SETD5: variants seen among roughly 807,000 people sequenced by gnomAD.
SETD5 encodes histone-lysine N-methyltransferase SETD5.
In SETD5, 44 loss-of-function variants were observed where a neutral mutation model predicts 153.3. That is an observed-to-expected ratio of 0.29 (90% CI 0.23 to 0.37). The LOEUF (loss-of-function observed/expected upper bound fraction) is 0.37. Among genes scored for constraint, SETD5 ranks in the 10% least tolerant of loss-of-function variants. The probability of loss-of-function intolerance (pLI) is 1.00; values close to 1 mark genes in which losing one functional copy is unlikely to be tolerated. For synonymous variants in SETD5, 716 were observed against 645.2 expected, an observed-to-expected ratio of 1.11 and a Z score of -1.66; for missense variants, 1,544 against 1,768.0, an observed-to-expected ratio of 0.87 and a Z score of 2.27.
chr3:9,415,328 A>G (rs2037247979), intron 1 of SETD5, among the ~76,000 whole-genome samples: 1 of 152,166 alleles, frequency 6.6e-6, no homozygotes, highest in Non-Finnish European at 1.5e-5. Flanking sequence ...TTTTCATATT[A>G]AGATTTCCAG....
intron 17 of SETD5, among the ~76,000 whole-genome samples, chr3:9,459,190 C>G (rs1001182576): frequency 6.6e-6 from 1 of 152,076 alleles, no homozygotes; most frequent in African/African-American, 2.4e-5. Flanking sequence ...ATTTGTTCAG[C>G]AGCTTCAGAA....
rs1167931292 is a variant in SETD5, at chr3:9,476,185, CG to C, written c.*100del. On this transcript the variant is annotated 3_prime_UTR_variant, in exon 23 of 23. Coordinates refer to ENST00000402198, the MANE Select transcript of SETD5 (RefSeq NM_001080517.3). Reference sequence around the variant, plus strand: ...CTAGGCCGAGCATATTGCTGAGGAACGGGGGGTACAAGGTGCCAGAGGATTG... The same window carrying C: ...CTAGGCCGAGCATATTGCTGAGGAACGGGGGTACAAGGTGCCAGAGGATTG... 3 of 1,466,976 alleles carry C rather than the reference CG, an allele frequency of 2.0e-6. No homozygotes were observed. The highest frequency in any genetic ancestry group is 2.4e-5 in the Admixed American group (1 of 42,098). The allele number at this position is 1,466,976 out of a possible 1,614,324, so 90.9% of individuals were successfully genotyped here. A position where few individuals can be genotyped will look rare whatever the true frequency, so the allele number is the denominator to read the frequency against.
intron 3 of SETD5, chr3:9,431,221 A>C: frequency 9.1e-6 from 9 of 985,396 alleles, no homozygotes; most frequent in Non-Finnish European, 1.1e-5. Flanking sequence ...GATTTTTCTG[A>C]ATTTCCAACT....
In SETD5 at chr3:9,473,320, A is replaced by G. The variant is rs1413177000; in HGVS notation, c.3280A>G (p.Ser1094Gly). 2 of 1,614,020 alleles carry G rather than the reference A, an allele frequency of 1.2e-6. No individual in the cohort carries two copies. Among genetic ancestry groups the G allele is most frequent in the Non-Finnish European group, 1.7e-6 (2 of 1,179,888 alleles). The stretch of plus-strand genomic sequence containing the variant: ...GGGAGGTGACTCTGCACAGAGCAAA[A>G]GCAAGTCTGCAGGAGCTGGGCAAGG... ...GGGGDSAQSK[S>G]KSAGAGQGSS... Residue 1094 changes from serine (S) to glycine (G), a missense_variant, in exon 20 of 23, where the codon AGC becomes GGC. Physicochemically the swap from Ser to Gly is moderately conservative, Grantham distance 56. Coordinates refer to ENST00000402198, the MANE Select transcript of SETD5 (RefSeq NM_001080517.3).
chr3:9,431,766 C>A, intron 3 of SETD5: 2 of 967,398 alleles, frequency 2.1e-6, no homozygotes, highest in Non-Finnish European at 2.5e-6. Flanking sequence ...TAAGATACAA[C>A]CAGCATAGCT....
At chr3:9,436,781 C>T (rs769555978) in intron 7 of SETD5, 82 of 1,390,608 alleles carry the variant, frequency 5.9e-5, no homozygotes, top group Non-Finnish European at 7.8e-5. Flanking sequence ...GTTTTAGTCT[C>T]AGATAGGTAT....
At chr3:9,411,660 G>T (rs1424232590) in intron 1 of SETD5, among the ~76,000 whole-genome samples, 1 of 152,212 alleles carries the variant, frequency 6.6e-6, no homozygotes, top group Non-Finnish European at 1.5e-5. Flanking sequence ...CATGAAAAGT[G>T]GTTAAAGGAA....
intron 7 of SETD5, among the ~76,000 whole-genome samples, chr3:9,438,007 A>C (rs2040795324): frequency 6.6e-6 from 1 of 152,086 alleles, no homozygotes; most frequent in South Asian, 2.1e-4. Flanking sequence ...CATCTCAAAA[A>C]AAAAAAAAAA....
Position 9,434,472 on chromosome 3 carries a change from T to A in SETD5, c.316T>A (p.Cys106Ser), listed in dbSNP as rs752571386. Residue 106 changes from cysteine (C) to serine (S), a missense_variant, in exon 5 of 23, where the codon TGT becomes AGT. By Grantham distance (112) the Cys-to-Ser change is moderately radical. This residue lies in a region of SETD5 where 251 missense variants were observed against 326.9 expected (regional missense o/e 0.77). Transcript: ENST00000402198. The surrounding 1 kb of genome is among the most constrained non-coding windows in gnomAD (Gnocchi z 5.6). ...GLSQDGFLLN[C>S]DKCRGMSRGK... ...TTCTCAGGATGGCTTCCTTCTCAAC[T>A]GTGACAAGTGCAGGTAAGATCCTGT... The A allele has an allele frequency of 1.2e-6, 2 of 1,613,958 alleles. No individual in the cohort carries two copies. Among genetic ancestry groups the A allele is most frequent in the East Asian group, 2.2e-5 (1 of 44,868 alleles).
At chr3:9,398,906 AGT>A (rs1248671432) in intron 1 of SETD5, among the ~76,000 whole-genome samples, 1 of 152,186 alleles carries the variant, frequency 6.6e-6, no homozygotes, top group African/African-American at 2.4e-5. Flanking sequence ...TGGATGCTGC[AGT>A]CAGCTCTGCT....
In SETD5 at chr3:9,441,298, A is replaced by G. The variant is rs538534824; in HGVS notation, c.811-295A>G. On this transcript the variant is annotated intron_variant, in intron 8 of 22. Transcript: ENST00000402198. ...ATGTAATATTTATAGAAAGTTAAGCATGTTCTTTCTCATCTTTATTTTAGA... is the reference window on the plus strand; with the variant it reads ...ATGTAATATTTATAGAAAGTTAAGCGTGTTCTTTCTCATCTTTATTTTAGA... Among the ~76,000 whole-genome samples the G allele has an allele frequency of 2.0e-5, 3 of 151,942 alleles. No homozygotes were observed. The South Asian group carries it at 6.2e-4, about 32-fold the overall frequency.
At position 9,445,965 on chromosome 3, in the gene SETD5, G is replaced by GTTTTTTTTTTTTT. The variant is rs376821559; in HGVS notation, c.1524+236_1524+248dup. Among the ~76,000 whole-genome samples, 34 of 86,456 alleles carry GTTTTTTTTTTTTT rather than the reference G, an allele frequency of 3.9e-4. 5 individuals are homozygous for GTTTTTTTTTTTTT. The highest frequency in any genetic ancestry group is 1.5e-3 in the African/African-American group (33 of 21,374). 56.7% of individuals were successfully genotyped at this position (86,456 alleles called of 152,430 possible). ...TATCTAGTGATGGTTTGAAGAGGTTGTTTTTTTTTTTTTTTTTTTTTTTAC... is the reference window on the plus strand; with the variant it reads ...TATCTAGTGATGGTTTGAAGAGGTTGTTTTTTTTTTTTTTTTTTTTTTTTTTTTTTTTTTTTAC... On this transcript the variant is annotated intron_variant, in intron 13 of 22. Coordinates refer to ENST00000402198, the MANE Select transcript of SETD5 (RefSeq NM_001080517.3).
chr3:9,438,842 A>G (rs2040919023), intron 7 of SETD5, among the ~76,000 whole-genome samples: 1 of 152,172 alleles, frequency 6.6e-6, no homozygotes, highest in Non-Finnish European at 1.5e-5. Context: ...TGCCGGTAAC[A>G]CTCATACACT....
Position 9,433,835 on chromosome 3 carries a change from CT to C in SETD5, c.72-7del, listed in dbSNP as rs765151720. 1 of 1,613,352 alleles carries C rather than the reference CT, an allele frequency of 6.2e-7. No individual in the cohort carries two copies. The highest frequency in any genetic ancestry group is 8.5e-7 in the Non-Finnish European group (1 of 1,179,482). ...TATGCTATCATGCATTGCTTTTCGC[CT>C]TTGTGCAGCCCTGAATCTGTGGAGG... On this transcript the variant is annotated splice_polypyrimidine_tract_variant and intron_variant, in intron 3 of 22. Transcript: ENST00000402198.
At chr3:9,473,591 A>G (rs1288842542) in intron 20 of SETD5, 54 bp downstream of exon 20, 1 of 1,502,310 alleles carries the variant, frequency 6.7e-7, no homozygotes, top group Non-Finnish European at 9.0e-7. Flanking sequence ...GGGAGTATAT[A>G]TCTAAGATCA....
At chr3:9,447,369 CT>C (rs897051402) in intron 14 of SETD5, 62 bp downstream of exon 14, 220 of 1,543,440 alleles carry the variant, frequency 1.4e-4, no homozygotes, top group Non-Finnish European at 1.8e-4. Context: ...CAATACCTAA[CT>C]TTTGGAATTT....
Position 9,434,078 on chromosome 3 carries a change from C to G in SETD5, c.177+128C>G, listed in dbSNP as rs1445203195. On this transcript the variant is annotated intron_variant, in intron 4 of 22. Coordinates refer to ENST00000402198, the MANE Select transcript of SETD5 (RefSeq NM_001080517.3). This position sits in a 1 kb window ranked among gnomAD's most constrained non-coding sequence, Gnocchi z 5.6. ...AGTTGCCCCTTTTGCACTTCCCTGA[C>G]TCCAGCGGACGTCTAGCCCTGCATC... 1 of 1,586,284 alleles carries G rather than the reference C, an allele frequency of 6.3e-7. No homozygotes were observed. Among genetic ancestry groups the G allele is most frequent in the South Asian group, 1.1e-5 (1 of 87,966 alleles).
In SETD5 at chr3:9,413,649, G is replaced by GGGT. The variant is rs200761097; in HGVS notation, c.-176-10817_-176-10816insGTG. 3.9e-3 allele frequency among the ~76,000 whole-genome samples: 551 copies of GGGT among 140,460 alleles called. 2 individuals are homozygous for GGGT. Among genetic ancestry groups the GGGT allele is most frequent in the Admixed American group, 0.011 (161 of 14,182 alleles). 92.1% of individuals were successfully genotyped at this position (140,460 alleles called of 152,430 possible). A position where few individuals can be genotyped will look rare whatever the true frequency, so the allele number is the denominator to read the frequency against. On this transcript the variant is annotated intron_variant, in intron 1 of 22. Transcript: ENST00000402198. ...AGCTTCTTCGGGTGGGGGGAGGCGG[G>GGGT]GTGTGTGTGTGTGTGTGTGTGTGTG...
At chr3:9,401,484 G>T (rs2034771418) in intron 1 of SETD5, among the ~76,000 whole-genome samples, 1 of 152,044 alleles carries the variant, frequency 6.6e-6, no homozygotes, top group Non-Finnish European at 1.5e-5. Context: ...TATATCTTTT[G>T]ATACTGTTTT....
Sources: allele counts gnomAD v4.1 joint callset (sites outside exome capture counted in the v4.1 genomes callset), GRCh38; gene constraint gnomAD v4.1.1; regional missense constraint gnomAD v4.1.1; non-coding constraint Gnocchi (gnomAD v3.1); transcripts MANE v1.5; gene names NCBI Gene and HGNC (gene_info 2026-07-23, HGNC 2026-07-21).